Variants in RBBP6 observed in about 807,000 individuals in gnomAD.
RBBP6 encodes RB binding protein 6, ubiquitin ligase.
A neutral mutation model predicts 167.7 loss-of-function variants in RBBP6; 25 were observed. The observed-to-expected ratio is 0.15, with a 90% CI of 0.11 to 0.21. The LOEUF is 0.21. RBBP6 is among the 10% of genes least tolerant of loss of function. RBBP6 has a pLI of 1.00. For missense variants in RBBP6, 1,868 were observed against 2,134.2 expected (o/e 0.88, Z 2.46); for synonymous variants, 789 against 735.8 (o/e 1.07, Z -1.17).
At position 24,563,303 on chromosome 16, in the gene RBBP6, T is replaced by TTAC. The variant is rs764545482; in HGVS notation, c.1386+10_1386+12dup. On this transcript the variant is annotated intron_variant, in intron 11 of 17. Coordinates refer to ENST00000319715, the MANE Select transcript of RBBP6 (RefSeq NM_006910.5). ...GCTCTTATGGAAGAGAAGGTAAATT[T>TTAC]TACTGGTGCTTTAATTTGGGATTTT... is the stretch of plus-strand genomic sequence containing the variant. The TTAC allele has an allele frequency of 1.2e-6, 2 of 1,600,770 alleles. No individual in the cohort carries two copies. The highest frequency in any genetic ancestry group is 1.7e-6 in the Non-Finnish European group (2 of 1,173,386).
intron 15 of RBBP6, 80 bp downstream of exon 15, chr16:24,567,585 T>G: frequency 1.4e-6 from 2 of 1,436,684 alleles, no homozygotes; most frequent in Non-Finnish European, 1.9e-6. Context: ...GGAAACGTTT[T>G]CCAGTGTTTC....
Position 24,542,703 on chromosome 16 carries a change from TC to T in RBBP6, c.166+1913del, listed in dbSNP as rs570540757. On this transcript the variant is annotated intron_variant, in intron 1 of 17. Transcript: ENST00000319715. ...GTCTCGAACTCTTGGCCTCAAGTGATCCACCCACCTGGGTCTCCCAAAGGGC... is the reference window on the plus strand; with the variant it reads ...GTCTCGAACTCTTGGCCTCAAGTGATCACCCACCTGGGTCTCCCAAAGGGC... Among the ~76,000 whole-genome samples, 11 of 152,290 alleles carry T rather than the reference TC, an allele frequency of 7.2e-5. No individual in the cohort carries two copies. In the South Asian group the frequency reaches 2.3e-3, roughly 32 times the overall value.
intron 10 of RBBP6, among the ~76,000 whole-genome samples, chr16:24,562,686 A>T (rs1369769564): frequency 9.9e-6 from 1 of 100,932 alleles, no homozygotes; most frequent in Non-Finnish European, 2.2e-5. Flanking sequence ...TAAATTCTTT[A>T]AAAAAAAAAA....
intron 1 of RBBP6, among the ~76,000 whole-genome samples, chr16:24,544,283 C>T (rs1355550578): frequency 6.6e-6 from 1 of 152,146 alleles, no homozygotes; most frequent in Non-Finnish European, 1.5e-5. Context: ...TGACTCAAAG[C>T]TTCCTCGGAA....
intron 16 of RBBP6, among the ~76,000 whole-genome samples, chr16:24,568,472 G>A (rs532130524): frequency 6.6e-6 from 1 of 152,294 alleles, no homozygotes; most frequent in Admixed American, 6.5e-5. Context: ...TTGACATTTT[G>A]TTTAATGTTA....
intron 16 of RBBP6, 93 bp downstream of exon 16, chr16:24,567,986 A>ACT (rs1899234251): frequency 9.5e-7 from 1 of 1,053,342 alleles, no homozygotes; most frequent in East Asian, 2.5e-5. Flanking sequence ...TGCACTTAGG[A>ACT]ATTTTTCTGA....
In RBBP6 at chr16:24,564,780, T is replaced by G; in HGVS notation, c.1521-17T>G. On this transcript the variant is annotated splice_polypyrimidine_tract_variant and intron_variant, in intron 13 of 17. Coordinates refer to ENST00000319715, the MANE Select transcript of RBBP6 (RefSeq NM_006910.5). ...CATGGAGAAATACTTGAGCCTATTTTTTTTTCTCCCACACAGTTCCAACAA... is the reference window on the plus strand; with the variant it reads ...CATGGAGAAATACTTGAGCCTATTTGTTTTTCTCCCACACAGTTCCAACAA... The G allele has an allele frequency of 6.2e-7, 1 of 1,611,358 alleles. No homozygotes were observed. The highest frequency in any genetic ancestry group is 8.5e-7 in the Non-Finnish European group (1 of 1,178,402).
intron 3 of RBBP6, among the ~76,000 whole-genome samples, chr16:24,551,260 G>A (rs1033326237): frequency 2.6e-5 from 4 of 151,726 alleles, no homozygotes; most frequent in South Asian, 4.1e-4. Context: ...TAATGTCTAC[G>A]GTCTGCATCA....
At chr16:24,550,683 A>G (rs1357736338) in intron 3 of RBBP6, among the ~76,000 whole-genome samples, 1 of 151,402 alleles carries the variant, frequency 6.6e-6, no homozygotes, top group East Asian at 1.9e-4. Flanking sequence ...GCATGTCTGT[A>G]TTACATTTAT....
At position 24,564,870 on chromosome 16, in the gene RBBP6, G is replaced by A; in HGVS notation, c.1589+5G>A. Reference sequence around the variant, plus strand: ...AGGGGAGAGGAGCTGCTACAGGTAGGCATGCTAAAAATCTTGGAAAATAAT... The same window carrying A: ...AGGGGAGAGGAGCTGCTACAGGTAGACATGCTAAAAATCTTGGAAAATAAT... On this transcript the variant is annotated splice_donor_5th_base_variant and intron_variant, in intron 14 of 17. Transcript: ENST00000319715. 2 of 1,609,266 alleles carry A rather than the reference G, an allele frequency of 1.2e-6. No homozygotes were observed. Among genetic ancestry groups the A allele is most frequent in the Non-Finnish European group, 1.7e-6 (2 of 1,178,052 alleles).
intron 1 of RBBP6, among the ~76,000 whole-genome samples, chr16:24,543,054 T>A (rs545338937): frequency 8.5e-5 from 13 of 152,180 alleles, no homozygotes; most frequent in Non-Finnish European, 1.8e-4. Context: ...GGTAGCTACT[T>A]AACTAGTTTT....
chr16:24,572,176 C>T lies in RBBP6; in HGVS notation c.5110C>T (p.His1704Tyr), dbSNP rs774467093. The part of the protein sequence containing the change: ...SSPSVSPSRS[H>Y]SPSGSQTRSH... Reference sequence around the variant, plus strand: ...CCCCAGCGTCAGCCCCAGCAGAAGCCACAGTCCTTCTGGAAGCCAGACCCG... The same window carrying T: ...CCCCAGCGTCAGCCCCAGCAGAAGCTACAGTCCTTCTGGAAGCCAGACCCG... Residue 1704 changes from histidine to tyrosine, a missense_variant, in exon 18 of 18, where the codon CAC (histidine) becomes TAC (tyrosine). His to Tyr is a moderately conservative substitution (Grantham distance 83). This residue lies in a region of RBBP6 where 591 missense variants were observed against 540.5 expected (regional missense o/e 1.09). Coordinates refer to ENST00000319715, the MANE Select transcript of RBBP6 (RefSeq NM_006910.5). 1.2e-6 allele frequency: 2 copies of T among 1,614,108 alleles called. No homozygotes were observed. The highest frequency in any genetic ancestry group is 1.1e-5 in the South Asian group (1 of 91,080).
rs72133882 is a variant in RBBP6 at position 24,553,558 on chromosome 16, GTATATA to G, written c.348+13_348+18del. ...TATTTCTCTGGCCCAGCTTACAAAG[GTATATA>G]TATATATATATTCTTGAAAATATAA... On this transcript the variant is annotated splice_donor_variant and splice_donor_5th_base_variant and intron_variant, in intron 4 of 17. Coordinates refer to ENST00000319715, the MANE Select transcript of RBBP6 (RefSeq NM_006910.5). LOFTEE classifies it high-confidence loss of function. 1.6e-5 allele frequency: 23 copies of G among 1,441,384 alleles called. No individual in the cohort carries two copies. The highest frequency in any genetic ancestry group is 4.0e-5 in the South Asian group (3 of 75,568). The allele number at this position is 1,441,384 out of a possible 1,614,324, so 89.3% of individuals were successfully genotyped here.
chr16:24,554,511 G>C (rs1251201903), intron 4 of RBBP6: 1 of 151,956 alleles, frequency 6.6e-6, no homozygotes, highest in African/African-American at 2.4e-5. Flanking sequence ...AAATGTCCTA[G>C]TAACAAATTG....
chr16:24,539,863 G>T lies in RBBP6; in HGVS notation c.-764G>T. The stretch of plus-strand genomic sequence containing the variant: ...CCGGCCGCCGGCTGGGGCCCGGGGT[G>T]GTGAGGAAGTGCTCCGAGGCCTCGC... On this transcript the variant is annotated 5_prime_UTR_variant, in exon 1 of 18. Transcript: ENST00000319715. The T allele has an allele frequency of 6.5e-6, 1 of 152,838 alleles. No homozygotes were observed. Among genetic ancestry groups the T allele is most frequent in the South Asian group, 1.9e-4 (1 of 5,334 alleles). The allele number at this position is 152,838 out of a possible 1,614,324, so 9.5% of individuals were successfully genotyped here. A position where few individuals can be genotyped will look rare whatever the true frequency, so the allele number is the denominator to read the frequency against.
chr16:24,569,502 A>T lies in RBBP6; in HGVS notation c.2812A>T (p.Lys938Ter). 1 of 1,608,612 alleles carries T rather than the reference A, an allele frequency of 6.2e-7. No homozygotes were observed. The highest frequency in any genetic ancestry group is 8.5e-7 in the Non-Finnish European group (1 of 1,178,730). The change falls in exon 17 of 18, where the codon AAA (lysine) becomes TAA (stop). Residue 938 changes from lysine (K) to a stop codon, truncating the protein, a stop_gained. Coordinates refer to ENST00000319715, the MANE Select transcript of RBBP6 (RefSeq NM_006910.5). LOFTEE classifies it high-confidence loss of function. ...AGGAAATAAGCATAAGAAACACAGAAAAAGAAGAAAAGGGGAGGAAAGTGA... is the reference window on the plus strand; with the variant it reads ...AGGAAATAAGCATAAGAAACACAGATAAAGAAGAAAAGGGGAGGAAAGTGA... ...GKGNKHKKHR[K>*]RRKGEESEGF...
intron 15 of RBBP6, 137 bp from the exon 16 acceptor site, chr16:24,567,655 G>A: frequency 8.0e-7 from 1 of 1,247,486 alleles, no homozygotes. Context: ...AACTTCTCAG[G>A]GATTCCTAGT....
At chr16:24,559,869 T>C in intron 8 of RBBP6, 192 bp downstream of exon 8, 1 of 395,342 alleles carries the variant, frequency 2.5e-6, no homozygotes, top group Non-Finnish European at 4.2e-6. Context: ...CTGTTTGTCC[T>C]TTTAAATTCT....
rs1485535240 is a variant in RBBP6 at position 24,562,014 on chromosome 16, C to T, written c.1142C>T (p.Ala381Val). Residue 381 changes from alanine to valine, a missense_variant, in exon 10 of 18, where the codon GCT becomes GTT. This residue lies in a region of RBBP6 where 245 missense variants were observed against 240.1 expected (regional missense o/e 1.02). Transcript: ENST00000319715. The part of the protein sequence containing the change: ...IPVTSSSTHP[A>V]PSISSLTSNQ... ...GTGACATCTTCATCAACTCACCCAG[C>T]TCCGTCTATATCTTCATTAACTTCT... 1 of 1,613,406 alleles carries T rather than the reference C, an allele frequency of 6.2e-7. No homozygotes were observed. The highest frequency in any genetic ancestry group is 1.3e-5 in the African/African-American group (1 of 74,884).
Sources: gnomAD v4.1 joint callset for allele counts (sites outside exome capture counted in the v4.1 genomes callset) on GRCh38, gnomAD v4.1.1 for gene constraint, gnomAD v4.1.1 regional missense constraint, MANE v1.5 for transcripts, NCBI Gene and HGNC (gene_info 2026-07-23, HGNC 2026-07-21) for gene names.